FBXO25: variants seen among roughly 807,000 people sequenced by gnomAD.
The protein encoded by FBXO25 is F-box only protein 25.
Under a neutral mutation model 51.9 loss-of-function variants are expected in FBXO25, and 45 were observed. The observed-to-expected ratio is 0.87, with a 90% CI of 0.68 to 1.11. FBXO25 has a LOEUF of 1.11. FBXO25 is among the 50% of genes most tolerant of loss of function. The probability of loss-of-function intolerance (pLI) is 0.00; values close to 1 mark genes in which losing one functional copy is unlikely to be tolerated. For missense variants in FBXO25, 507 were observed against 428.5 expected, an observed-to-expected ratio of 1.18 and a Z score of -1.62; for synonymous variants, 199 against 151.0, an observed-to-expected ratio of 1.32 and a Z score of -2.33.
At chr8:437,772 T>G (rs1193261800) in intron 5 of FBXO25, among the ~76,000 whole-genome samples, 3 of 151,912 alleles carry the variant, frequency 2.0e-5, no homozygotes, top group Non-Finnish European at 4.4e-5. Context: ...TCGTATGCAT[T>G]TATCATACAT....
chr8:439,384 A>C (rs1798290592), intron 5 of FBXO25, among the ~76,000 whole-genome samples: 1 of 152,206 alleles, frequency 6.6e-6, no homozygotes, highest in Non-Finnish European at 1.5e-5. Flanking sequence ...AAAAATGTTA[A>C]ATATGCTCTG....
In FBXO25 at chr8:450,013, C is replaced by T; in HGVS notation, c.405C>T (p.Ser135=). The change falls in exon 6 of 10, where the codon TCC becomes TCT. Residue 135 remains serine, a synonymous_variant. Transcript: ENST00000350302. The part of the protein sequence containing the change: ...VVKLLQLIAK[S]QLTSLSGVAQ... Reference sequence around the variant, plus strand: ...AGCTGTTGCAGCTAATTGCAAAATCCCAGTTAACTTCATTGAGTGGCGTGG... The same window carrying T: ...AGCTGTTGCAGCTAATTGCAAAATCTCAGTTAACTTCATTGAGTGGCGTGG... 6.2e-7 allele frequency: 1 copy of T among 1,610,298 alleles called. No individual in the cohort carries two copies. Among genetic ancestry groups the T allele is most frequent in the Non-Finnish European group, 8.5e-7 (1 of 1,178,656 alleles).
At chr8:424,417 C>G (rs1463949709) in intron 2 of FBXO25, among the ~76,000 whole-genome samples, 2 of 152,128 alleles carry the variant, frequency 1.3e-5, no homozygotes, top group Non-Finnish European at 2.9e-5. Context: ...TTTTTGGGAA[C>G]TTAGCCAAAA....
chr8:445,534 T>G (rs866470790), intron 5 of FBXO25, among the ~76,000 whole-genome samples: 2 of 152,222 alleles, frequency 1.3e-5, no homozygotes, highest in African/African-American at 4.8e-5. Flanking sequence ...AAAACACTTT[T>G]AAAAATATTT....
Position 474,416 on chromosome 8 carries a change from T to A in FBXO25, c.*5612T>A. 3.5e-6 allele frequency: 1 copy of A among 286,094 alleles called. No individual in the cohort carries two copies. The highest frequency in any genetic ancestry group is 6.7e-6 in the Non-Finnish European group (1 of 149,296). The allele number at this position is 286,094 out of a possible 1,614,324, so 17.7% of individuals were successfully genotyped here. On this transcript the variant is annotated 3_prime_UTR_variant, in exon 10 of 10. Coordinates refer to ENST00000350302, the MANE Select transcript of FBXO25 (RefSeq NM_183420.2). The stretch of plus-strand genomic sequence containing the variant: ...CCGTAAACATGGGTGTGCAAATATC[T>A]GAGTCTCTGCTTTCAATCATATGGC...
chr8:431,075 C>T (rs1309453728), intron 2 of FBXO25, among the ~76,000 whole-genome samples: 1 of 152,152 alleles, frequency 6.6e-6, no homozygotes, highest in Non-Finnish European at 1.5e-5. Context: ...TTTAATAAGG[C>T]ATTTTGATGT....
intron 1 of FBXO25, among the ~76,000 whole-genome samples, chr8:411,863 C>G (rs1044027464): frequency 3.3e-5 from 5 of 152,154 alleles, no homozygotes; most frequent in African/African-American, 1.2e-4. Flanking sequence ...TAGCCTCATG[C>G]ACAGTCTCAC....
chr8:418,547 C>T (rs1047519447), intron 2 of FBXO25, among the ~76,000 whole-genome samples: 1 of 151,958 alleles, frequency 6.6e-6, no homozygotes, highest in Non-Finnish European at 1.5e-5. Flanking sequence ...ACCATATTGA[C>T]CAGAATGGTC....
At chr8:425,537 C>T (rs1423465112) in intron 2 of FBXO25, among the ~76,000 whole-genome samples, 1 of 150,774 alleles carries the variant, frequency 6.6e-6, no homozygotes, top group African/African-American at 2.4e-5. Context: ...TGTAATAATT[C>T]CCCTCTTTCT....
At chr8:446,090 T>C (rs1798721515) in intron 5 of FBXO25, among the ~76,000 whole-genome samples, 1 of 152,116 alleles carries the variant, frequency 6.6e-6, no homozygotes, top group Non-Finnish European at 1.5e-5. Flanking sequence ...TTCAGTCTTC[T>C]GTAATGTAGC....
chr8:435,447 A>C, intron 4 of FBXO25, 168 bp from the exon 5 acceptor site: 1 of 847,258 alleles, frequency 1.2e-6, no homozygotes, highest in Non-Finnish European at 1.8e-6. Flanking sequence ...TTAAATTATT[A>C]GCATTGCTAT....
chr8:433,753 A>G (rs374444529), intron 4 of FBXO25, among the ~76,000 whole-genome samples: 1 of 152,204 alleles, frequency 6.6e-6, no homozygotes, highest in African/African-American at 2.4e-5. Flanking sequence ...TTTCAGGGTA[A>G]GTTAAATATT....
At chr8:419,396 A>G (rs921066413) in intron 2 of FBXO25, among the ~76,000 whole-genome samples, 2 of 152,186 alleles carry the variant, frequency 1.3e-5, no homozygotes, top group Non-Finnish European at 2.9e-5. Flanking sequence ...AAGGTTTACT[A>G]TAAAATGTAA....
rs751942668 is a variant in FBXO25, at chr8:432,925, G to C, written c.278G>C (p.Ser93Thr). 1.9e-6 allele frequency: 3 copies of C among 1,557,256 alleles called. No individual in the cohort carries two copies. Among genetic ancestry groups the C allele is most frequent in the Non-Finnish European group, 2.6e-6 (3 of 1,155,282 alleles). Residue 93 changes from serine to threonine, a missense_variant, in exon 4 of 10, where the codon AGC (serine) becomes ACC (threonine). Ser to Thr is a moderately conservative substitution (Grantham distance 58, BLOSUM62 1). Transcript: ENST00000350302. ...REKWIYVHKE[S>T]TKERHGYCTL... ...AAATGGATCTATGTCCATAAAGAAA[G>C]CACAAAGGAAGTAAGTATTCTATTA...
intron 2 of FBXO25, among the ~76,000 whole-genome samples, chr8:415,187 A>G (rs541402086): frequency 6.6e-6 from 1 of 152,334 alleles, no homozygotes; most frequent in East Asian, 1.9e-4. Flanking sequence ...AAAAAGAACT[A>G]TAGTAAAAAT....
intron 7 of FBXO25, among the ~76,000 whole-genome samples, chr8:456,841 C>A (rs73669393): frequency 7.2e-5 from 11 of 152,096 alleles, no homozygotes; most frequent in African/African-American, 2.7e-4. Context: ...TCTGAAGTCC[C>A]AGGAAGGTGC....
intron 4 of FBXO25, among the ~76,000 whole-genome samples, chr8:434,262 C>T (rs1333708433): frequency 6.6e-6 from 1 of 152,152 alleles, no homozygotes; most frequent in African/African-American, 2.4e-5. Flanking sequence ...TGCTGTGGTT[C>T]TAGGTCCGCA....
chr8:415,894 A>G (rs1245633215), intron 2 of FBXO25, among the ~76,000 whole-genome samples: 4 of 152,188 alleles, frequency 2.6e-5, no homozygotes, highest in South Asian at 2.1e-4. Flanking sequence ...CAGTGTTATT[A>G]TGGGCACTGT....
At chr8:419,221 T>C (rs1797005038) in intron 2 of FBXO25, among the ~76,000 whole-genome samples, 1 of 151,150 alleles carries the variant, frequency 6.6e-6, no homozygotes, top group Non-Finnish European at 1.5e-5. Flanking sequence ...AAAAAAAAAT[T>C]AGCCGAGCGT....
Sources: allele counts gnomAD v4.1 joint callset (sites outside exome capture counted in the v4.1 genomes callset), GRCh38; gene constraint gnomAD v4.1.1; transcripts MANE v1.5; gene names NCBI Gene and HGNC (gene_info 2026-07-23, HGNC 2026-07-21).